The following GRM5 variants were observed in gnomAD, a reference collection of about 807,000 sequenced individuals.
GRM5 encodes the protein metabotropic glutamate receptor 5.
In GRM5, 19 loss-of-function variants were observed where a neutral mutation model predicts 83.1. The observed-to-expected ratio is 0.23, with a 90% CI of 0.16 to 0.34. GRM5 has a LOEUF of 0.34. Among genes scored for constraint, GRM5 ranks in the 10% least tolerant of loss-of-function variants. GRM5 has a pLI of 1.00. For missense variants in GRM5, 1,160 were observed against 1,588.3 expected (o/e 0.73, Z 4.58); for synonymous variants, 675 against 633.6 (o/e 1.07, Z -0.98).
chr11:88,787,478 G>A, intron 3 of GRM5, among the ~76,000 whole-genome samples: 1 of 152,144 alleles, frequency 6.6e-6, no homozygotes, highest in South Asian at 2.1e-4. Flanking sequence ...TTTTTGGAAA[G>A]TATCAAATGA....
chr11:88,863,745 T>C (rs1944610825), intron 2 of GRM5, among the ~76,000 whole-genome samples: 1 of 152,076 alleles, frequency 6.6e-6, no homozygotes, highest in South Asian at 2.1e-4. Context: ...TTATTGTTTA[T>C]AGAATTTAAT....
intron 2 of GRM5, among the ~76,000 whole-genome samples, chr11:89,033,825 T>C (rs1941321389): frequency 6.6e-6 from 1 of 151,818 alleles, no homozygotes; most frequent in Non-Finnish European, 1.5e-5. Flanking sequence ...ATATTGATTA[T>C]TCAAAAGAAG....
At chr11:88,804,136 C>T (rs187306814) in intron 3 of GRM5, among the ~76,000 whole-genome samples, 16 of 152,122 alleles carry the variant, frequency 1.1e-4, no homozygotes, top group Admixed American at 4.6e-4. Flanking sequence ...GGCGATTCCT[C>T]GGGGATCTAG....
At chr11:88,600,227 A>C (rs969271915) in intron 5 of GRM5, among the ~76,000 whole-genome samples, 13 of 140,128 alleles carry the variant, frequency 9.3e-5, no homozygotes, top group South Asian at 2.4e-4. Flanking sequence ...TTCTTCCTCA[A>C]TCCTCCTCCT....
intron 3 of GRM5, among the ~76,000 whole-genome samples, chr11:88,739,311 G>A (rs1439381960): frequency 6.6e-6 from 1 of 151,940 alleles, no homozygotes; most frequent in African/African-American, 2.4e-5. Context: ...CAACACCAGG[G>A]AACACCATTT....
chr11:88,935,206 CA>C (rs1394309154), intron 2 of GRM5, among the ~76,000 whole-genome samples: 1 of 151,860 alleles, frequency 6.6e-6, no homozygotes, highest in Non-Finnish European at 1.5e-5. Context: ...TCCACAACCC[CA>C]TGTTCTCTTC....
chr11:88,603,944 G>T (rs1056369534), intron 5 of GRM5, among the ~76,000 whole-genome samples: 8 of 152,124 alleles, frequency 5.3e-5, no homozygotes, highest in Non-Finnish European at 1.5e-5. Flanking sequence ...CTATTGTTTT[G>T]ATACAAGGCT....
At chr11:89,056,852 G>T (rs1941886790) in intron 1 of GRM5, among the ~76,000 whole-genome samples, 1 of 152,066 alleles carries the variant, frequency 6.6e-6, no homozygotes, top group African/African-American at 2.4e-5. Flanking sequence ...ATATTTGTGG[G>T]TCCTTAGCAG....
chr11:88,749,558 G>T (rs1351476315), intron 3 of GRM5, among the ~76,000 whole-genome samples: 1 of 152,042 alleles, frequency 6.6e-6, no homozygotes, highest in African/African-American at 2.4e-5. Context: ...ACCTAGCAAG[G>T]CAGGCCAACA....
intron 2 of GRM5, among the ~76,000 whole-genome samples, chr11:89,009,920 A>C (rs1307024316): frequency 6.1e-4 from 79 of 130,112 alleles, no homozygotes; most frequent in Non-Finnish European, 8.3e-4. Context: ...AAAAAAAAAA[A>C]AAAAAAAAAA....
intron 3 of GRM5, among the ~76,000 whole-genome samples, chr11:88,733,904 C>G (rs932445354): frequency 6.6e-6 from 1 of 151,890 alleles, no homozygotes; most frequent in Non-Finnish European, 1.5e-5. Flanking sequence ...TGACCAATCC[C>G]ACCCTTACCT....
intron 2 of GRM5, among the ~76,000 whole-genome samples, chr11:88,874,500 G>GA (rs1049685315): frequency 2.0e-5 from 3 of 151,706 alleles, no homozygotes; most frequent in South Asian, 4.2e-4. Flanking sequence ...GAAAACACAG[G>GA]AAAAAAATGC....
chr11:88,879,803 C>A (rs186682798), intron 2 of GRM5, among the ~76,000 whole-genome samples: 1 of 151,988 alleles, frequency 6.6e-6, no homozygotes, highest in Admixed American at 6.6e-5. Context: ...TACTATGAGG[C>A]TCTCAGCAGA....
At chr11:88,611,029 C>T (rs961711786) in intron 4 of GRM5, among the ~76,000 whole-genome samples, 3 of 152,014 alleles carry the variant, frequency 2.0e-5, no homozygotes, top group African/African-American at 4.8e-5. Context: ...TATTGATTTG[C>T]GTATGTTAAA....
At chr11:88,954,721 A>G (rs1270459388) in intron 2 of GRM5, among the ~76,000 whole-genome samples, 1 of 152,208 alleles carries the variant, frequency 6.6e-6, no homozygotes, top group Non-Finnish European at 1.5e-5. Context: ...TAGACAGCAC[A>G]GCTCTAGTCA....
chr11:89,063,878 GC>G (rs1942049269), intron 1 of GRM5, among the ~76,000 whole-genome samples: 2 of 152,156 alleles, frequency 1.3e-5, no homozygotes, highest in South Asian at 4.1e-4. Context: ...TGGCAAGGGA[GC>G]TGGAGGCACT....
chr11:88,971,413 T>C (rs1444206721), intron 2 of GRM5, among the ~76,000 whole-genome samples: 2 of 152,104 alleles, frequency 1.3e-5, no homozygotes, highest in Non-Finnish European at 2.9e-5. Context: ...TAATAGTTTT[T>C]TGATCTTCAC....
At chr11:89,038,314 G>A (rs184914484) in intron 2 of GRM5, among the ~76,000 whole-genome samples, 14 of 152,226 alleles carry the variant, frequency 9.2e-5, no homozygotes, top group South Asian at 8.3e-4. Context: ...AATCTTTCTG[G>A]AGTATTTGCA....
At chr11:88,821,570 T>C (rs1943795940) in intron 3 of GRM5, among the ~76,000 whole-genome samples, 2 of 152,108 alleles carry the variant, frequency 1.3e-5, no homozygotes, top group African/African-American at 2.4e-5. Context: ...CTCTGGACTA[T>C]TGCAATGATA....
Sources: allele counts gnomAD v4.1 joint callset (sites outside exome capture counted in the v4.1 genomes callset), GRCh38; gene constraint gnomAD v4.1.1; transcripts MANE v1.5; gene names NCBI Gene and HGNC (gene_info 2026-07-23, HGNC 2026-07-21).